Variants in FAM227B observed in about 807,000 individuals in gnomAD.
FAM227B encodes protein FAM227B.
In FAM227B, 88 loss-of-function variants were observed where a neutral mutation model predicts 73.8. That is an observed-to-expected ratio of 1.19 (90% confidence interval 1.00 to 1.42). The LOEUF is 1.42. Among genes scored for constraint, FAM227B ranks in the 40% most tolerant of loss-of-function variants. The pLI is 0.00. For synonymous variants in FAM227B, 210 were observed against 190.5 expected (o/e 1.10, Z -0.84); for missense variants, 632 against 590.9 (o/e 1.07, Z -0.72).
intron 3 of FAM227B, among the ~76,000 whole-genome samples, chr15:49,592,566 C>T (rs1278897629): frequency 6.6e-6 from 1 of 152,132 alleles, no homozygotes; most frequent in Non-Finnish European, 1.5e-5. Context: ...AAGCTTCGTC[C>T]CACAGTTGCA....
chr15:49,363,687 T>C (rs1437615909), intron 13 of FAM227B, among the ~76,000 whole-genome samples: 1 of 152,194 alleles, frequency 6.6e-6, no homozygotes, highest in Admixed American at 6.5e-5. Context: ...AGAGTGGGTA[T>C]CCTTGTCTTG....
chr15:49,401,008 A>G (rs2048098682), intron 11 of FAM227B, among the ~76,000 whole-genome samples: 1 of 152,228 alleles, frequency 6.6e-6, no homozygotes, highest in Non-Finnish European at 1.5e-5. Context: ...ATGGGATCTA[A>G]TTAAACTAAA....
chr15:49,443,801 G>A (rs933749700), intron 11 of FAM227B, among the ~76,000 whole-genome samples: 1 of 151,664 alleles, frequency 6.6e-6, no homozygotes, highest in Non-Finnish European at 1.5e-5. Context: ...CAGAAATAGT[G>A]AAAGCATTTT....
intron 11 of FAM227B, among the ~76,000 whole-genome samples, chr15:49,448,872 A>G (rs1029617703): frequency 6.6e-6 from 1 of 151,824 alleles, no homozygotes; most frequent in Non-Finnish European, 1.5e-5. Flanking sequence ...AGTCGATTCC[A>G]ATATTATATT....
chr15:49,397,174 C>G (rs902202264), intron 11 of FAM227B, among the ~76,000 whole-genome samples: 3 of 152,024 alleles, frequency 2.0e-5, no homozygotes, highest in Non-Finnish European at 4.4e-5. Context: ...AGCTGAACAC[C>G]AAGGCTTGAG....
At chr15:49,572,844 C>A (rs1033036763) in intron 8 of FAM227B, among the ~76,000 whole-genome samples, 1 of 152,076 alleles carries the variant, frequency 6.6e-6, no homozygotes, top group African/African-American at 2.4e-5. Flanking sequence ...CTTCAATTTG[C>A]TCTTGTGCTA....
At chr15:49,387,662 T>C (rs1230693282) in intron 11 of FAM227B, among the ~76,000 whole-genome samples, 2 of 151,742 alleles carry the variant, frequency 1.3e-5, no homozygotes, top group African/African-American at 4.8e-5. Flanking sequence ...ATAAGGGACA[T>C]TGAAACTGGA....
At chr15:49,449,375 C>G (rs1171046992) in intron 11 of FAM227B, among the ~76,000 whole-genome samples, 2 of 151,984 alleles carry the variant, frequency 1.3e-5, no homozygotes, top group Non-Finnish European at 2.9e-5. Context: ...TATATAAAGA[C>G]AGTTATATTT....
rs377279286 is a variant in FAM227B at position 49,361,396 on chromosome 15, C to T, written c.1271+6052G>A. On this transcript the variant is annotated intron_variant, in intron 13 of 15. Transcript: ENST00000299338. ...GCAGTTTTTTGATCCTCACCCTCCT[C>T]CTTCCCTCCTCCCTCAAGTAGGTCC... Among the ~76,000 whole-genome samples the T allele has an allele frequency of 9.2e-5, 14 of 152,102 alleles. 1 individual carries two copies. The East Asian group carries it at 1.2e-3, about 13-fold the overall frequency.
At chr15:49,470,345 G>A (rs1378706727) in intron 11 of FAM227B, among the ~76,000 whole-genome samples, 1 of 152,024 alleles carries the variant, frequency 6.6e-6, no homozygotes, top group Non-Finnish European at 1.5e-5. Context: ...TTTTGGTGCT[G>A]AGCAAATTTC....
intron 14 of FAM227B, among the ~76,000 whole-genome samples, chr15:49,332,335 G>C: frequency 6.6e-6 from 1 of 152,216 alleles, no homozygotes; most frequent in East Asian, 1.9e-4. Context: ...AAAGAGACTG[G>C]CAAGGTAGAG....
chr15:49,515,360 A>G (rs1037024487), intron 10 of FAM227B, among the ~76,000 whole-genome samples: 3 of 152,150 alleles, frequency 2.0e-5, no homozygotes, highest in African/African-American at 7.2e-5. Flanking sequence ...CTAAGTATGC[A>G]TGTTGCGTAC....
chr15:49,497,775 G>C (rs1158872951), intron 11 of FAM227B, among the ~76,000 whole-genome samples: 2 of 152,164 alleles, frequency 1.3e-5, no homozygotes, highest in African/African-American at 4.8e-5. Flanking sequence ...AAAAACAGCG[G>C]TGTGTGGTAG....
intron 11 of FAM227B, chr15:49,424,342 C>T (rs377679450): frequency 2.8e-5 from 45 of 1,613,484 alleles, no homozygotes; most frequent in Non-Finnish European, 3.5e-5. Context: ...CTTTGCTCTA[C>T]AGATCATGCT....
chr15:49,341,902 G>A (rs747257844), intron 13 of FAM227B, among the ~76,000 whole-genome samples: 2 of 152,160 alleles, frequency 1.3e-5, no homozygotes, highest in Non-Finnish European at 2.9e-5. Context: ...GAGTATGGTT[G>A]ATAAGAGTTT....
intron 11 of FAM227B, among the ~76,000 whole-genome samples, chr15:49,412,675 C>T (rs1349247402): frequency 2.0e-5 from 3 of 151,970 alleles, no homozygotes; most frequent in Non-Finnish European, 4.4e-5. Context: ...TATTATATTA[C>T]TGGGGCCTAT....
At chr15:49,518,845 T>C (rs568781727) in intron 10 of FAM227B, among the ~76,000 whole-genome samples, 1 of 152,328 alleles carries the variant, frequency 6.6e-6, no homozygotes, top group South Asian at 2.1e-4. Flanking sequence ...AATACAATCA[T>C]GCCCTTGCAA....
intron 11 of FAM227B, among the ~76,000 whole-genome samples, chr15:49,489,872 A>ATTT (rs2056888120): frequency 1.3e-4 from 2 of 15,826 alleles, no homozygotes; most frequent in East Asian, 2.4e-3. Context: ...ATATATATAT[A>ATTT]TATATATATA....
At position 49,471,208 on chromosome 15, in the gene FAM227B, G is replaced by A. The variant is rs189097142; in HGVS notation, c.1012+37003C>T. Among the ~76,000 whole-genome samples the A allele has an allele frequency of 5.9e-5, 9 of 152,114 alleles. No homozygotes were observed. The East Asian group carries it at 9.7e-4, about 16-fold the overall frequency. The stretch of plus-strand genomic sequence containing the variant: ...TTAAGAATATGGCAAATGTGAGGCC[G>A]GATACAGTGACTCGTGCCTGTAATC... On this transcript the variant is annotated intron_variant, in intron 11 of 15. Transcript: ENST00000299338.
Sources: gnomAD v4.1 joint callset for allele counts (sites outside exome capture counted in the v4.1 genomes callset) on GRCh38, gnomAD v4.1.1 for gene constraint, MANE v1.5 for transcripts, NCBI Gene and HGNC (gene_info 2026-07-23, HGNC 2026-07-21) for gene names.